ZNF717: variants seen among roughly 807,000 people sequenced by gnomAD.
The protein encoded by ZNF717 is krueppel-like factor X17.
Under a neutral mutation model 13.8 loss-of-function variants are expected in ZNF717, and 9 were observed. That is an observed-to-expected ratio of 0.65 (90% CI 0.39 to 1.14). The LOEUF (loss-of-function observed/expected upper bound fraction) is 1.14, where lower values mean the gene tolerates loss of function less well. Among genes scored for constraint, ZNF717 ranks in the 50% most tolerant of loss-of-function variants. The pLI is 0.01. For missense variants in ZNF717, 1,040 were observed against 1,080.7 expected, an observed-to-expected ratio of 0.96 and a Z score of 0.53; for synonymous variants, 327 against 364.1, an observed-to-expected ratio of 0.90 and a Z score of 1.16.
At chr3:75,735,324 G>C (rs1452378151), downstream of ZNF717, among the ~76,000 whole-genome samples, 18 of 152,042 alleles carry the variant, frequency 1.2e-4, no homozygotes, top group African/African-American at 4.4e-4. Flanking sequence ...AAACTCCAGG[G>C]CAACTAGTAA....
intron 2 of ZNF717, among the ~76,000 whole-genome samples, chr3:75,754,503 T>C (rs568909541): frequency 1.3e-5 from 2 of 150,032 alleles, no homozygotes; most frequent in Non-Finnish European, 1.5e-5. Flanking sequence ...AGATGGGTAA[T>C]GTATCCAGAA....
rs933049894 is a variant in ZNF717 at position 75,703,890 on chromosome 3, T to C, written n.1085+7297A>G. On this transcript the variant is annotated intron_variant and non_coding_transcript_variant, in intron 6 of 6. Transcript: ENST00000648506. ...AAGGCATCTAGAAGGTTAATACTCA[T>C]GGTCTGAAAATAGCCACATTTTTTA... Among the ~76,000 whole-genome samples, 22 of 152,412 alleles carry C rather than the reference T, an allele frequency of 1.4e-4. No homozygotes were observed. In the East Asian group the frequency reaches 3.9e-3, roughly 27 times the overall value.
chr3:75,719,284 C>CAAA (rs58182512), intron 4 of ZNF717, among the ~76,000 whole-genome samples: 40,525 of 133,854 alleles, frequency 0.3, 6,651 homozygotes, highest in South Asian at 0.54. Flanking sequence ...CACCCTGTCT[C>CAAA]AAAAAAAAAA....
At chr3:75,720,197 A>G (rs201653486) in intron 4 of ZNF717, among the ~76,000 whole-genome samples, 2 of 152,062 alleles carry the variant, frequency 1.3e-5, no homozygotes, top group Non-Finnish European at 2.9e-5. Context: ...AGACACATAC[A>G]CTAATATATT....
In ZNF717 at chr3:75,748,982, T is replaced by C. The variant is rs377512227; in HGVS notation, c.58-7246A>G. On this transcript the variant is annotated intron_variant, in intron 2 of 4. Coordinates refer to ENST00000652011, the MANE Select transcript of ZNF717 (RefSeq NM_001290208.3). Reference sequence around the variant, plus strand: ...GTGGTCCGAGTGTTTGTCCCTCACATAGGATTTCAAAACACTGCTGCTGTG... The same window carrying C: ...GTGGTCCGAGTGTTTGTCCCTCACACAGGATTTCAAAACACTGCTGCTGTG... 3.8e-4 allele frequency among the ~76,000 whole-genome samples: 58 copies of C among 152,238 alleles called. No individual in the cohort carries two copies. In the East Asian group the frequency reaches 4.7e-3, roughly 12 times the overall value.
At chr3:75,696,016 T>C (rs1937599024) in intron 6 of ZNF717, among the ~76,000 whole-genome samples, 1 of 152,374 alleles carries the variant, frequency 6.6e-6, no homozygotes, top group Non-Finnish European at 1.5e-5. Flanking sequence ...TGCAAAAGAC[T>C]AATAAACAAA....
At chr3:75,746,692 G>A (rs1575808349) in intron 2 of ZNF717, among the ~76,000 whole-genome samples, 1 of 152,170 alleles carries the variant, frequency 6.6e-6, no homozygotes, top group Admixed American at 6.6e-5. Flanking sequence ...TTTGAGAAGT[G>A]TCTGTTCATA....
At chr3:75,730,622 G>C in intron 5 of ZNF717, 1 of 702,290 alleles carries the variant, frequency 1.4e-6, no homozygotes, top group Non-Finnish European at 2.6e-6. Context: ...ATCAAACCTG[G>C]AGATAAAAGA....
exon 6 of ZNF717, chr3:75,710,176 A>T (rs1164842751): frequency 6.6e-6 from 1 of 152,260 alleles, no homozygotes; most frequent in African/African-American, 2.4e-5. Context: ...AAAAAGGGAA[A>T]TTATGAAGTA....
At chr3:75,773,178 T>C (rs1204247870) in intron 2 of ZNF717, among the ~76,000 whole-genome samples, 1 of 152,180 alleles carries the variant, frequency 6.6e-6, no homozygotes, top group Non-Finnish European at 1.5e-5. Context: ...TTGTTTCATT[T>C]TTCTCGCATG....
At chr3:75,741,126 C>T (rs200177374) in intron 4 of ZNF717, 150 bp downstream of exon 4, 21 of 607,262 alleles carry the variant, frequency 3.5e-5, no homozygotes, top group Non-Finnish European at 5.6e-5. Flanking sequence ...TGAGAGTTAC[C>T]CCTGGGGACT....
chr3:75,738,980 C>G lies in ZNF717; in HGVS notation c.643G>C (p.Gly215Arg). ...ATTGCCTCCGTGTTGAAGGTTTTCCCTTGTTCATTACATTGAAAAGTCTGC... is the reference window on the plus strand; with the variant it reads ...ATTGCCTCCGTGTTGAAGGTTTTCCGTTGTTCATTACATTGAAAAGTCTGC... ...LLQTFQCNEQ[G>R]KTFNTEAMFF... The change falls in exon 5 of 5, where the codon GGG becomes CGG. Residue 215 changes from glycine (G) to arginine (R), a missense_variant. Physicochemically the swap from Gly to Arg is moderately radical, Grantham distance 125. Transcript: ENST00000652011. 6.4e-7 allele frequency: 1 copy of G among 1,551,586 alleles called. No homozygotes were observed. The highest frequency in any genetic ancestry group is 8.7e-7 in the Non-Finnish European group (1 of 1,146,962).
chr3:75,740,745 C>T (rs1940300193), intron 4 of ZNF717, among the ~76,000 whole-genome samples: 1 of 150,688 alleles, frequency 6.6e-6, no homozygotes, highest in Non-Finnish European at 1.5e-5. Context: ...GTGTGAGGAA[C>T]ACTTGAGCCC....
Position 75,736,874 on chromosome 3 carries a change from G to A in ZNF717, c.*4C>T, listed in dbSNP as rs1423995249. 2.6e-6 allele frequency: 4 copies of A among 1,540,552 alleles called. No individual in the cohort carries two copies. The highest frequency in any genetic ancestry group is 3.5e-6 in the Non-Finnish European group (4 of 1,142,032). On this transcript the variant is annotated 3_prime_UTR_variant, in exon 5 of 5. Coordinates refer to ENST00000652011, the MANE Select transcript of ZNF717 (RefSeq NM_001290208.3). ...TAGTAGCCAGAGAGGTGTAGGTTGT[G>A]TGTTCAAGGGAAAAAAGAGTGATTT...
At chr3:75,762,358 T>C (rs1018784515) in intron 2 of ZNF717, among the ~76,000 whole-genome samples, 1 of 150,408 alleles carries the variant, frequency 6.6e-6, no homozygotes, top group Non-Finnish European at 1.5e-5. Context: ...GGAGAATCGC[T>C]TGAATAAGGA....
rs57268297 is a variant in ZNF717 at position 75,736,596 on chromosome 3, TGGAGGA to T, written c.*276_*281del. ...AAGGCCCTAACTCTCTTCAATTCTATGGAGGAGAAGAGAGGTGAGGAAGTTGCAGAA... is the reference window on the plus strand; with the variant it reads ...AAGGCCCTAACTCTCTTCAATTCTATGAAGAGAGGTGAGGAAGTTGCAGAA... On this transcript the variant is annotated 3_prime_UTR_variant, in exon 5 of 5. Coordinates refer to ENST00000652011, the MANE Select transcript of ZNF717 (RefSeq NM_001290208.3). 2.5e-6 allele frequency: 1 copy of T among 399,680 alleles called. No homozygotes were observed. Among genetic ancestry groups the T allele is most frequent in the East Asian group, 4.2e-5 (1 of 24,094 alleles). The allele number at this position is 399,680 out of a possible 1,614,324, so 24.8% of individuals were successfully genotyped here.
intron 2 of ZNF717, among the ~76,000 whole-genome samples, chr3:75,748,176 G>C (rs1474246708): frequency 3.3e-5 from 5 of 151,282 alleles, no homozygotes; most frequent in African/African-American, 1.2e-4. Flanking sequence ...ACCAATAACA[G>C]GCTCTGAAAT....
downstream of ZNF717, among the ~76,000 whole-genome samples, chr3:75,731,446 G>C: frequency 6.6e-6 from 1 of 152,178 alleles, no homozygotes; most frequent in South Asian, 2.1e-4. Flanking sequence ...TGTAATCTCA[G>C]CTACTCAGGA....
In ZNF717 at chr3:75,737,355, T is replaced by G. The variant is rs79902440; in HGVS notation, c.2268A>C (p.Lys756Asn). The part of the protein sequence containing the change: ...TVHHRTHTGE[K>N]PYECNECGKT... ...TCCCACACTCATTACATTCATAAGG[T>G]TTTTCTCCGGTATGGGTTCTATGAT... The change falls in exon 5 of 5, where the codon AAA becomes AAC. Residue 756 changes from lysine to asparagine, a missense_variant. By Grantham distance (94) the Lys-to-Asn change is moderately conservative (BLOSUM62 0). Transcript: ENST00000652011. 1.3e-6 allele frequency: 2 copies of G among 1,552,592 alleles called. No individual in the cohort carries two copies. Among genetic ancestry groups the G allele is most frequent in the African/African-American group, 1.4e-5 (1 of 73,168 alleles).
Sources: allele counts gnomAD v4.1 joint callset (sites outside exome capture counted in the v4.1 genomes callset), GRCh38; gene constraint gnomAD v4.1.1; transcripts MANE v1.5; gene names NCBI Gene and HGNC (gene_info 2026-07-23, HGNC 2026-07-21).